TRAF5: variants seen among roughly 807,000 people sequenced by gnomAD.
TRAF5 encodes TNF receptor associated factor 5, also known as TNF receptor-associated factor 5.
A neutral mutation model predicts 64.5 loss-of-function variants in TRAF5; 48 were observed. The ratio of observed to expected loss-of-function variants is 0.74; its 90% CI spans 0.59 to 0.95. The LOEUF (loss-of-function observed/expected upper bound fraction) is 0.95. Among genes scored for constraint, TRAF5 ranks in the 40% least tolerant of loss-of-function variants. The pLI, the probability that TRAF5 is intolerant of heterozygous loss-of-function variation, is 0.00. For synonymous variants in TRAF5, 206 were observed against 240.5 expected, an observed-to-expected ratio of 0.86 and a Z score of 1.33; for missense variants, 545 against 662.8, an observed-to-expected ratio of 0.82 and a Z score of 1.95.
Position 211,371,176 on chromosome 1 carries a change from C to A in TRAF5, c.931-126C>A, listed in dbSNP as rs540256397. On this transcript the variant is annotated intron_variant, in intron 9 of 10. Transcript: ENST00000261464. ...TCCTCATTGAATTTTATTTTCTGGG[C>A]TTGTATTTTTCATTCTGTTAATTGA... 67 of 898,222 alleles carry A rather than the reference C, an allele frequency of 7.5e-5. 1 individual carries two copies. The Middle Eastern group carries it at 1.4e-3, about 19-fold the overall frequency. 55.6% of individuals were successfully genotyped at this position (898,222 alleles called of 1,614,324 possible). A position where few individuals can be genotyped will look rare whatever the true frequency, so the allele number is the denominator to read the frequency against.
intron 1 of TRAF5, among the ~76,000 whole-genome samples, chr1:211,341,876 T>A (rs1350806545): frequency 6.6e-6 from 1 of 152,186 alleles, no homozygotes; most frequent in African/African-American, 2.4e-5. Flanking sequence ...AACCATGAAT[T>A]CAAAATTGGG....
At chr1:211,357,631 A>C (rs1268266450) in intron 4 of TRAF5, 1 of 151,780 alleles carries the variant, frequency 6.6e-6, no homozygotes, top group African/African-American at 2.4e-5. Context: ...TCTTACAGGT[A>C]GCAGAGTTTT....
At chr1:211,370,896 C>T (rs944118183) in intron 9 of TRAF5, among the ~76,000 whole-genome samples, 6 of 152,050 alleles carry the variant, frequency 3.9e-5, no homozygotes, top group Non-Finnish European at 7.4e-5. Flanking sequence ...AACAGGTGGG[C>T]GTATTCCATT....
chr1:211,334,425 G>T (rs61851030), intron 1 of TRAF5, among the ~76,000 whole-genome samples: 1 of 152,126 alleles, frequency 6.6e-6, no homozygotes, highest in Non-Finnish European at 1.5e-5. Flanking sequence ...TTGGGAGACC[G>T]AGGCGGGCTG....
chr1:211,354,687 C>G (rs912302192), intron 3 of TRAF5, among the ~76,000 whole-genome samples: 1 of 152,110 alleles, frequency 6.6e-6, no homozygotes, highest in Non-Finnish European at 1.5e-5. Context: ...CAAGTCTCCT[C>G]TCCTGCTTCT....
chr1:211,352,953 G>T (rs1024005504), intron 1 of TRAF5, among the ~76,000 whole-genome samples: 1 of 152,076 alleles, frequency 6.6e-6, no homozygotes, highest in Non-Finnish European at 1.5e-5. Flanking sequence ...AAACTGACAG[G>T]GTAATTTAGC....
chr1:211,327,464 C>T (rs1398019695), intron 1 of TRAF5, among the ~76,000 whole-genome samples: 1 of 152,216 alleles, frequency 6.6e-6, no homozygotes, highest in Non-Finnish European at 1.5e-5. Flanking sequence ...CTACCCCCCT[C>T]CCCCAGAAGG....
At chr1:211,337,423 G>A (rs1439341580) in intron 1 of TRAF5, among the ~76,000 whole-genome samples, 1 of 152,186 alleles carries the variant, frequency 6.6e-6, no homozygotes, top group African/African-American at 2.4e-5. Context: ...TAGGAAGTAA[G>A]GACACAGAGA....
chr1:211,365,496 G>T lies in TRAF5; in HGVS notation c.789+28G>T, dbSNP rs765441473. The T allele has an allele frequency of 2.3e-5, 36 of 1,575,340 alleles. 1 individual carries two copies. In the South Asian group the frequency reaches 3.7e-4, roughly 16 times the overall value. ...AAATCTTCAAAGGTTCAAATAAAAA[G>T]TGAGGCAACAGAATTGCTGGGATTT... is the stretch of plus-strand genomic sequence containing the variant. On this transcript the variant is annotated intron_variant, in intron 8 of 10. Coordinates refer to ENST00000261464, the MANE Select transcript of TRAF5 (RefSeq NM_001033910.3).
chr1:211,361,103 GCTGTA>G lies in TRAF5; in HGVS notation c.638_642del (p.Ala213ValfsTer3). The G allele has an allele frequency of 6.2e-7, 1 of 1,614,080 alleles. No individual in the cohort carries two copies. Among genetic ancestry groups the G allele is most frequent in the Non-Finnish European group, 8.5e-7 (1 of 1,179,988 alleles). ...CATTTCGTAGGTAGATGAACACCTG[GCTGTA>G]TGTCCTGAAGCTGAGCAAGACTGTC... On this transcript the variant is annotated frameshift_variant, in exon 7 of 11. Coordinates refer to ENST00000261464, the MANE Select transcript of TRAF5 (RefSeq NM_001033910.3). LOFTEE classifies it high-confidence loss of function.
intron 4 of TRAF5, 122 bp from the exon 5 acceptor site, chr1:211,359,790 C>A: frequency 8.6e-7 from 1 of 1,161,686 alleles, no homozygotes; most frequent in East Asian, 2.4e-5. Context: ...CTGCCTTGCC[C>A]TGTGCAAGCC....
At chr1:211,344,154 G>A (rs1408652706) in intron 1 of TRAF5, among the ~76,000 whole-genome samples, 2 of 152,116 alleles carry the variant, frequency 1.3e-5, no homozygotes, top group East Asian at 1.9e-4. Context: ...AGCAGCTTTC[G>A]TCAGGCCAGC....
intron 1 of TRAF5, among the ~76,000 whole-genome samples, chr1:211,338,686 G>A (rs1207149584): frequency 2.6e-5 from 4 of 152,084 alleles, no homozygotes; most frequent in East Asian, 1.9e-4. Flanking sequence ...GTGCAGTGGT[G>A]CAGTCTTGGC....
rs1022392821 is a variant in TRAF5, at chr1:211,360,853, T to C, written c.621+74T>C. 4 of 1,396,458 alleles carry C rather than the reference T, an allele frequency of 2.9e-6. No homozygotes were observed. In the African/African-American group the frequency reaches 5.7e-5, roughly 20 times the overall value. 86.5% of individuals were successfully genotyped at this position (1,396,458 alleles called of 1,614,324 possible). ...AGTAATCATTGTGGTCTGTGTTTGA[T>C]ACAGTCCCAAAGATAAGGGCCCAGG... On this transcript the variant is annotated intron_variant, in intron 6 of 10. Transcript: ENST00000261464.
At chr1:211,357,916 G>A (rs949936897) in intron 4 of TRAF5, 1 of 152,178 alleles carries the variant, frequency 6.6e-6, no homozygotes, top group Non-Finnish European at 1.5e-5. Context: ...AGGCCATACA[G>A]TCTCTGTCAC....
At chr1:211,359,165 C>A (rs941980477) in intron 4 of TRAF5, 4 of 152,062 alleles carry the variant, frequency 2.6e-5, no homozygotes, top group African/African-American at 9.7e-5. Flanking sequence ...CTGTGTTGCC[C>A]AGGCTGGACT....
Position 211,356,408 on chromosome 1 carries a change from A to G in TRAF5, c.318A>G (p.Leu106=). ...DNCCKREVLN[L]YVYCSNAPGC... ...GTTGCAAAAGAGAAGTCCTCAACTT[A>G]TATGTATATTGCAGCAATGCTCCTG... is the stretch of plus-strand genomic sequence containing the variant. Residue 106 remains leucine, a synonymous_variant, in exon 4 of 11, where the codon TTA becomes TTG. Transcript: ENST00000261464. 2.5e-6 allele frequency: 4 copies of G among 1,614,156 alleles called. No homozygotes were observed. Among genetic ancestry groups the G allele is most frequent in the Middle Eastern group, 1.7e-4 (1 of 6,060 alleles).
chr1:211,334,487 T>C (rs1158557044), intron 1 of TRAF5, among the ~76,000 whole-genome samples: 3 of 152,164 alleles, frequency 2.0e-5, no homozygotes, highest in African/African-American at 7.2e-5. Flanking sequence ...TGAAACTCCG[T>C]CTTTACTAAA....
At chr1:211,352,836 A>C (rs1333413499) in intron 1 of TRAF5, among the ~76,000 whole-genome samples, 1 of 152,198 alleles carries the variant, frequency 6.6e-6, no homozygotes, top group Non-Finnish European at 1.5e-5. Flanking sequence ...TAAAAATTTT[A>C]ACAAAACCTG....
Sources: allele counts gnomAD v4.1 joint callset (sites outside exome capture counted in the v4.1 genomes callset), GRCh38; gene constraint gnomAD v4.1.1; transcripts MANE v1.5; gene names NCBI Gene and HGNC (gene_info 2026-07-23, HGNC 2026-07-21).